The following LDB2 variants were observed in gnomAD, a reference collection of about 807,000 sequenced individuals.
LDB2 encodes LIM domain-binding protein 2.
LDB2 carries 12 observed loss-of-function variants against 44.3 expected under a neutral mutation model. The ratio of observed to expected loss-of-function variants is 0.27; its 90% confidence interval spans 0.17 to 0.44. LDB2 has a LOEUF of 0.44. Among genes scored for constraint, LDB2 ranks in the 20% least tolerant of loss-of-function variants. The pLI is 1.00. For synonymous variants in LDB2, 164 were observed against 174.8 expected (o/e 0.94, Z 0.49); for missense variants, 344 against 473.5 (o/e 0.73, Z 2.54).
At chr4:16,851,605 A>T (rs965598669) in intron 1 of LDB2, among the ~76,000 whole-genome samples, 7 of 152,038 alleles carry the variant, frequency 4.6e-5, no homozygotes, top group South Asian at 2.1e-4. Context: ...CAAAAAAAAA[A>T]AATAATAAGA....
chr4:16,875,479 A>G (rs1718086373), intron 1 of LDB2, among the ~76,000 whole-genome samples: 1 of 152,214 alleles, frequency 6.6e-6, no homozygotes, highest in African/African-American at 2.4e-5. Context: ...AAAAAGAAAA[A>G]GAAAACTTAT....
chr4:16,862,423 C>T (rs564544434), intron 1 of LDB2, among the ~76,000 whole-genome samples: 2 of 151,740 alleles, frequency 1.3e-5, no homozygotes, highest in Admixed American at 6.6e-5. Flanking sequence ...CACCTGTGGT[C>T]GGGAGTTCAA....
At chr4:16,753,064 C>A (rs1443371170) in intron 2 of LDB2, among the ~76,000 whole-genome samples, 1 of 152,194 alleles carries the variant, frequency 6.6e-6, no homozygotes, top group Non-Finnish European at 1.5e-5. Context: ...CTAGAAAAAA[C>A]ACACACGGGT....
At chr4:16,851,881 T>C (rs13102371) in intron 1 of LDB2, among the ~76,000 whole-genome samples, 35,554 of 152,152 alleles carry the variant, frequency 0.23, 5,296 homozygotes, top group African/African-American at 0.43. Context: ...TTGAGCACAA[T>C]CTGAGAAACA....
intron 1 of LDB2, among the ~76,000 whole-genome samples, chr4:16,886,998 A>C (rs1286451761): frequency 7.4e-6 from 1 of 134,234 alleles, no homozygotes; most frequent in Non-Finnish European, 1.5e-5. Context: ...GCGCCACTGC[A>C]CTCCAGCCTG....
At chr4:16,803,842 G>A (rs765048390) in intron 1 of LDB2, among the ~76,000 whole-genome samples, 3 of 152,182 alleles carry the variant, frequency 2.0e-5, no homozygotes, top group Non-Finnish European at 4.4e-5. Context: ...AATTGCTTAA[G>A]TAATGCTTAT....
At chr4:16,632,999 G>A (rs1446520569) in intron 2 of LDB2, among the ~76,000 whole-genome samples, 2 of 152,150 alleles carry the variant, frequency 1.3e-5, no homozygotes, top group Non-Finnish European at 2.9e-5. Flanking sequence ...TATGTTTATT[G>A]CAGCACTATT....
chr4:16,657,827 T>A (rs758821248), intron 2 of LDB2, among the ~76,000 whole-genome samples: 2 of 152,258 alleles, frequency 1.3e-5, no homozygotes, highest in Non-Finnish European at 2.9e-5. Context: ...CCAACATTCA[T>A]CCATTCATCC....
chr4:16,823,309 C>T (rs939967556), intron 1 of LDB2, among the ~76,000 whole-genome samples: 1 of 152,164 alleles, frequency 6.6e-6, no homozygotes, highest in African/African-American at 2.4e-5. Flanking sequence ...CTTCTTATCC[C>T]GAGATAAGAA....
Position 16,762,167 on chromosome 4 carries a change from G to T in LDB2, c.133-2907C>A, listed in dbSNP as rs532431447. ...GCCAAGATCACCCCACTGCACTCCA[G>T]TCTGGGTGACAGAGTGAGACCTGGT... On this transcript the variant is annotated intron_variant, in intron 1 of 7. Transcript: ENST00000304523. Among the ~76,000 whole-genome samples the T allele has an allele frequency of 9.2e-5, 14 of 152,166 alleles. No individual in the cohort carries two copies. In the East Asian group the frequency reaches 2.1e-3, roughly 23 times the overall value.
intron 2 of LDB2, among the ~76,000 whole-genome samples, chr4:16,609,510 C>T (rs1725021433): frequency 6.6e-6 from 1 of 152,008 alleles, no homozygotes; most frequent in African/African-American, 2.4e-5. Flanking sequence ...GTGCTTTTCC[C>T]CTGCTGGAGC....
chr4:16,789,659 G>A (rs949066618), intron 1 of LDB2, among the ~76,000 whole-genome samples: 2 of 152,198 alleles, frequency 1.3e-5, no homozygotes, highest in African/African-American at 2.4e-5. Context: ...GCCAGGTGCA[G>A]TGGCTCATGC....
intron 1 of LDB2, among the ~76,000 whole-genome samples, chr4:16,877,470 A>G (rs1201163141): frequency 6.6e-6 from 1 of 152,238 alleles, no homozygotes; most frequent in Non-Finnish European, 1.5e-5. Context: ...TAACTGGGAA[A>G]GTCAATGCAT....
At chr4:16,686,617 C>G (rs1311065770) in intron 2 of LDB2, among the ~76,000 whole-genome samples, 1 of 152,176 alleles carries the variant, frequency 6.6e-6, no homozygotes, top group East Asian at 1.9e-4. Context: ...ACTGAGCTGT[C>G]AGAAGATGAA....
intron 2 of LDB2, among the ~76,000 whole-genome samples, chr4:16,631,088 T>C (rs975564790): frequency 6.6e-6 from 1 of 152,156 alleles, no homozygotes; most frequent in South Asian, 2.1e-4. Context: ...GTGGACATGA[T>C]AGACATCTAC....
chr4:16,657,252 TG>T, intron 2 of LDB2, among the ~76,000 whole-genome samples: 1 of 152,338 alleles, frequency 6.6e-6, no homozygotes, highest in South Asian at 2.1e-4. Context: ...ATTATACATG[TG>T]GTTGGCATTA....
chr4:16,840,749 C>T (rs1785730553), intron 1 of LDB2, among the ~76,000 whole-genome samples: 1 of 152,208 alleles, frequency 6.6e-6, no homozygotes, highest in South Asian at 2.1e-4. Context: ...TATTATAGCA[C>T]TTGATGCAGT....
chr4:16,639,633 G>A (rs1734598741), intron 2 of LDB2, among the ~76,000 whole-genome samples: 1 of 152,160 alleles, frequency 6.6e-6, no homozygotes, highest in Non-Finnish European at 1.5e-5. Flanking sequence ...GGCTAATTTT[G>A]TATTTTTAGT....
At chr4:16,761,606 A>T (rs1283079874) in intron 1 of LDB2, among the ~76,000 whole-genome samples, 2 of 152,204 alleles carry the variant, frequency 1.3e-5, no homozygotes, top group Non-Finnish European at 2.9e-5. Context: ...ACCTGAGGAT[A>T]ACAATAACAA....
Sources: gnomAD v4.1 joint callset for allele counts (sites outside exome capture counted in the v4.1 genomes callset) on GRCh38, gnomAD v4.1.1 for gene constraint, MANE v1.5 for transcripts, NCBI Gene and HGNC (gene_info 2026-07-23, HGNC 2026-07-21) for gene names.